ALCAM: variants seen among roughly 807,000 people sequenced by gnomAD.
The protein encoded by ALCAM is activated leukocyte cell adhesion molecule.
ALCAM carries 30 observed loss-of-function variants against 70.9 expected under a neutral mutation model. That is an observed-to-expected ratio of 0.42 (90% confidence interval 0.32 to 0.57). ALCAM has a LOEUF of 0.57. ALCAM is among the 20% of genes least tolerant of loss of function. The pLI is 0.11. For missense variants in ALCAM, 591 were observed against 695.1 expected (o/e 0.85, Z 1.68); for synonymous variants, 249 against 242.5 (o/e 1.03, Z -0.25).
At chr3:105,521,820 C>T (rs1235828898) in intron 2 of ALCAM, among the ~76,000 whole-genome samples, 1 of 152,166 alleles carries the variant, frequency 6.6e-6, no homozygotes, top group Non-Finnish European at 1.5e-5. Flanking sequence ...GGTGGTAAGG[C>T]AGCACAGCAT....
chr3:105,525,450 C>A, intron 3 of ALCAM: 1 of 750,274 alleles, frequency 1.3e-6, no homozygotes, highest in Non-Finnish European at 1.6e-6. Context: ...AAACAGGTCT[C>A]AAAAGTTTCA....
rs190009622 is a variant in ALCAM, at chr3:105,459,565, T to C, written c.74-60502T>C. On this transcript the variant is annotated intron_variant, in intron 1 of 15. Coordinates refer to ENST00000306107, the MANE Select transcript of ALCAM (RefSeq NM_001627.4). ...ATGGTCCAAGCCCTATTGTATGTCA[T>C]GTTTATTTGCAAAATTGCCTTCTAC... Among the ~76,000 whole-genome samples, 98 of 152,198 alleles carry C rather than the reference T, an allele frequency of 6.4e-4. 1 individual carries two copies. Among genetic ancestry groups the C allele is most frequent in the Non-Finnish European group, 1.2e-3 (82 of 67,970 alleles).
intron 15 of ALCAM, among the ~76,000 whole-genome samples, chr3:105,572,836 T>A (rs1940886306): frequency 6.6e-6 from 1 of 152,174 alleles, no homozygotes; most frequent in Non-Finnish European, 1.5e-5. Flanking sequence ...CTCCTCAAAA[T>A]AATCATTATC....
intron 1 of ALCAM, among the ~76,000 whole-genome samples, chr3:105,383,764 G>T (rs1360187363): frequency 6.6e-6 from 1 of 151,654 alleles, no homozygotes; most frequent in African/African-American, 2.4e-5. Context: ...ATCATCCTGA[G>T]AATTATAGAA....
At chr3:105,510,476 T>C (rs984738414) in intron 1 of ALCAM, among the ~76,000 whole-genome samples, 1 of 152,108 alleles carries the variant, frequency 6.6e-6, no homozygotes, top group Non-Finnish European at 1.5e-5. Flanking sequence ...ATGAGGAACA[T>C]TTTCATGTCC....
intron 1 of ALCAM, among the ~76,000 whole-genome samples, chr3:105,507,167 C>T (rs1480861476): frequency 2.0e-5 from 3 of 152,054 alleles, no homozygotes; most frequent in Non-Finnish European, 2.9e-5. Flanking sequence ...TATATAGGCC[C>T]GCAATTCCCT....
At chr3:105,558,419 T>C (rs952959788) in intron 14 of ALCAM, among the ~76,000 whole-genome samples, 6 of 152,136 alleles carry the variant, frequency 3.9e-5, no homozygotes, top group African/African-American at 1.4e-4. Flanking sequence ...TAGTATTTTA[T>C]TGGACTTTTC....
At chr3:105,371,735 C>T (rs1935237709) in intron 1 of ALCAM, among the ~76,000 whole-genome samples, 1 of 152,072 alleles carries the variant, frequency 6.6e-6, no homozygotes, top group Non-Finnish European at 1.5e-5. Flanking sequence ...AAAACACCAT[C>T]AAAGAGTTCT....
rs1559767137 is a variant in ALCAM at position 105,368,339 on chromosome 3, C to T, written c.73+858C>T. Among the ~76,000 whole-genome samples, 6 of 151,978 alleles carry T rather than the reference C, an allele frequency of 3.9e-5. No homozygotes were observed. The South Asian group carries it at 6.2e-4, about 16-fold the overall frequency. On this transcript the variant is annotated intron_variant, in intron 1 of 15. Transcript: ENST00000306107. The stretch of plus-strand genomic sequence containing the variant: ...ACACCCTCGGGGACGTCCCCTGGCC[C>T]TGGTATCCTCAGGCCCGCCTGGCGG...
Position 105,574,755 on chromosome 3 carries a change from A to C in ALCAM, c.*304A>C, listed in dbSNP as rs997289736. 2.0e-5 allele frequency: 3 copies of C among 152,540 alleles called. No individual in the cohort carries two copies. Among genetic ancestry groups the C allele is most frequent in the African/African-American group, 7.2e-5 (3 of 41,432 alleles). The allele number at this position is 152,540 out of a possible 1,614,324, so 9.4% of individuals were successfully genotyped here. A position where few individuals can be genotyped will look rare whatever the true frequency, so the allele number is the denominator to read the frequency against. On this transcript the variant is annotated 3_prime_UTR_variant, in exon 16 of 16. Transcript: ENST00000306107. Reference sequence around the variant, plus strand: ...AGGATTTCTTTTTGGTTTGCCTTTTATGTAAATTTTTTACGTAGCTATTTT... The same window carrying C: ...AGGATTTCTTTTTGGTTTGCCTTTTCTGTAAATTTTTTACGTAGCTATTTT...
At chr3:105,533,949 T>G (rs1939907857) in intron 5 of ALCAM, among the ~76,000 whole-genome samples, 1 of 152,096 alleles carries the variant, frequency 6.6e-6, no homozygotes, top group Non-Finnish European at 1.5e-5. Flanking sequence ...CACCATAATG[T>G]AGAATCAGTG....
chr3:105,433,371 G>C (rs1378049230), intron 1 of ALCAM, among the ~76,000 whole-genome samples: 1 of 152,108 alleles, frequency 6.6e-6, no homozygotes, highest in Non-Finnish European at 1.5e-5. Context: ...ATATTGCATA[G>C]AATATTTGAA....
intron 1 of ALCAM, among the ~76,000 whole-genome samples, chr3:105,436,471 G>A (rs1402089238): frequency 6.6e-6 from 1 of 152,074 alleles, no homozygotes; most frequent in Non-Finnish European, 1.5e-5. Flanking sequence ...GGGACTATAG[G>A]TGCCTGCCAC....
At chr3:105,535,646 A>G (rs144092734) in intron 6 of ALCAM, among the ~76,000 whole-genome samples, 21 of 152,242 alleles carry the variant, frequency 1.4e-4, no homozygotes, top group African/African-American at 3.8e-4. Flanking sequence ...TACATCACAC[A>G]TTAAATTGTC....
chr3:105,428,482 A>G (rs1237200218), intron 1 of ALCAM, among the ~76,000 whole-genome samples: 1 of 151,710 alleles, frequency 6.6e-6, no homozygotes, highest in Non-Finnish European at 1.5e-5. Context: ...TATATAATGG[A>G]TATATTATAA....
chr3:105,489,043 T>A (rs890205325), intron 1 of ALCAM, among the ~76,000 whole-genome samples: 1 of 152,172 alleles, frequency 6.6e-6, no homozygotes, highest in Non-Finnish European at 1.5e-5. Flanking sequence ...TAAGAGTATG[T>A]TATACAACAA....
rs141946581 is a variant in ALCAM at position 105,564,761 on chromosome 3, G to C, written c.1665-7091G>C. Among the ~76,000 whole-genome samples the C allele has an allele frequency of 2.1e-3, 316 of 152,282 alleles. 1 individual carries two copies. Among genetic ancestry groups the C allele is most frequent in the African/African-American group, 7.4e-3 (306 of 41,560 alleles). On this transcript the variant is annotated intron_variant, in intron 14 of 15. Transcript: ENST00000306107. ...ACCTGTAGTCCTAGCTACACAAGGA[G>C]ATCAGCCAGGTGGGTGGCTCACACT...
intron 1 of ALCAM, among the ~76,000 whole-genome samples, chr3:105,470,162 C>CAT (rs1559802439): frequency 4.1e-5 from 6 of 147,498 alleles, no homozygotes; most frequent in African/African-American, 7.4e-5. Context: ...CACACACACA[C>CAT]ATATTAGCAT....
At chr3:105,515,205 G>A (rs545685509) in intron 1 of ALCAM, among the ~76,000 whole-genome samples, 1 of 151,856 alleles carries the variant, frequency 6.6e-6, no homozygotes, top group Non-Finnish European at 1.5e-5. Context: ...AAAATCTCAG[G>A]TTTGAAAAAA....
Sources: allele counts gnomAD v4.1 joint callset (sites outside exome capture counted in the v4.1 genomes callset), GRCh38; gene constraint gnomAD v4.1.1; transcripts MANE v1.5; gene names NCBI Gene and HGNC (gene_info 2026-07-23, HGNC 2026-07-21).